Variants in PKIB observed in about 807,000 individuals in gnomAD.
The protein encoded by PKIB is cAMP-dependent protein kinase inhibitor beta.
PKIB carries 2 observed loss-of-function variants against 4.5 expected under a neutral mutation model. That is an observed-to-expected ratio of 0.44 (90% confidence interval 0.18 to 1.39). PKIB has a LOEUF of 1.39. Among genes scored for constraint, PKIB ranks in the 40% most tolerant of loss-of-function variants. PKIB has a pLI of 0.27. For missense variants in PKIB, 94 were observed against 92.6 expected, an observed-to-expected ratio of 1.02 and a Z score of -0.06; for synonymous variants, 38 against 36.0, an observed-to-expected ratio of 1.06 and a Z score of -0.20.
At chr6:122,521,377 A>G (rs2114600333) in intron 2 of PKIB, among the ~76,000 whole-genome samples, 1 of 152,280 alleles carries the variant, frequency 6.6e-6, no homozygotes, top group Middle Eastern at 3.4e-3. Flanking sequence ...GTTGTTGTGT[A>G]GAATAAGAAG....
intron 2 of PKIB, among the ~76,000 whole-genome samples, chr6:122,537,689 T>G (rs1285242240): frequency 6.6e-6 from 1 of 152,166 alleles, no homozygotes; most frequent in African/African-American, 2.4e-5. Flanking sequence ...TTTGGGTATA[T>G]ACCCGTAAGG....
chr6:122,483,504 C>G (rs1478159200), intron 2 of PKIB: 1 of 151,380 alleles, frequency 6.6e-6, no homozygotes, highest in Non-Finnish European at 1.5e-5. Flanking sequence ...ATTAAATTGA[C>G]AAAAGGCAGA....
intron 2 of PKIB, among the ~76,000 whole-genome samples, chr6:122,521,920 C>T (rs577899472): frequency 3.9e-5 from 6 of 152,172 alleles, no homozygotes; most frequent in South Asian, 4.2e-4. Context: ...CTGGCCACTA[C>T]GGTCCTCATC....
At chr6:122,472,661 A>G (rs1775338049) in intron 1 of PKIB, among the ~76,000 whole-genome samples, 3 of 152,224 alleles carry the variant, frequency 2.0e-5, no homozygotes. Context: ...ATCTACAAAA[A>G]TTGCATGGGT....
At chr6:122,684,917 G>A (rs553938586) in intron 3 of PKIB, among the ~76,000 whole-genome samples, 183 of 152,210 alleles carry the variant, frequency 1.2e-3, no homozygotes, top group African/African-American at 4.2e-3. Flanking sequence ...TTTGGTCAAG[G>A]TCAGATACAC....
chr6:122,654,681 G>A (rs1286218818), intron 2 of PKIB, among the ~76,000 whole-genome samples: 1 of 152,098 alleles, frequency 6.6e-6, no homozygotes, highest in Admixed American at 6.5e-5. Flanking sequence ...AAAAACAGAG[G>A]TAAGCCTTAT....
chr6:122,714,468 G>A (rs559027247), intron 3 of PKIB, among the ~76,000 whole-genome samples: 145 of 152,122 alleles, frequency 9.5e-4, no homozygotes, highest in South Asian at 1.9e-3. Context: ...TTCCAGCATC[G>A]ATCTACAAAA....
chr6:122,613,126 AT>A (rs1245532446), intron 1 of PKIB, among the ~76,000 whole-genome samples: 1 of 152,166 alleles, frequency 6.6e-6, no homozygotes, highest in East Asian at 1.9e-4. Flanking sequence ...TCAAGACTAA[AT>A]TTTCATTAAT....
chr6:122,635,976 A>G (rs1346704241), intron 2 of PKIB, among the ~76,000 whole-genome samples: 2 of 152,130 alleles, frequency 1.3e-5, no homozygotes, highest in Non-Finnish European at 2.9e-5. Context: ...AACGCAATAA[A>G]TGTTTTAAAA....
At chr6:122,569,369 T>G (rs770911665) in intron 2 of PKIB, among the ~76,000 whole-genome samples, 16 of 152,166 alleles carry the variant, frequency 1.1e-4, no homozygotes, top group Non-Finnish European at 1.8e-4. Context: ...AACAGTCCAT[T>G]ACAGCACCTC....
At chr6:122,521,479 G>A (rs981352131) in intron 2 of PKIB, among the ~76,000 whole-genome samples, 3 of 152,022 alleles carry the variant, frequency 2.0e-5, no homozygotes, top group African/African-American at 7.2e-5. Flanking sequence ...AGGAGATCGA[G>A]ACCATCCTGG....
chr6:122,576,168 CT>C (rs1280386562), intron 2 of PKIB, among the ~76,000 whole-genome samples: 1 of 152,162 alleles, frequency 6.6e-6, no homozygotes, highest in Non-Finnish European at 1.5e-5. Flanking sequence ...TTACATGGTT[CT>C]TTTAATTTGT....
At chr6:122,557,975 C>T (rs1309914254) in intron 2 of PKIB, among the ~76,000 whole-genome samples, 3 of 152,084 alleles carry the variant, frequency 2.0e-5, no homozygotes, top group South Asian at 4.1e-4. Flanking sequence ...TCCAAGCTCC[C>T]GATTTTTTTT....
chr6:122,698,394 G>A (rs7746048), intron 3 of PKIB, among the ~76,000 whole-genome samples: 150,482 of 152,268 alleles, frequency 0.99, 74,380 homozygotes, highest in South Asian at 1. Flanking sequence ...AGCTAGGCCA[G>A]ATTCATGGGG....
chr6:122,479,868 T>C (rs1456229616), intron 2 of PKIB: 1 of 152,072 alleles, frequency 6.6e-6, no homozygotes, highest in African/African-American at 2.4e-5. Flanking sequence ...CCAGTGCCGG[T>C]ATTGACTGTA....
chr6:122,548,068 G>A (rs1204863379), intron 2 of PKIB, among the ~76,000 whole-genome samples: 1 of 152,144 alleles, frequency 6.6e-6, no homozygotes, highest in Admixed American at 6.5e-5. Context: ...TTATACATAA[G>A]TTTTGGGCAT....
intron 3 of PKIB, among the ~76,000 whole-genome samples, chr6:122,591,435 A>C (rs1168944406): frequency 1.3e-5 from 2 of 152,174 alleles, no homozygotes; most frequent in Non-Finnish European, 2.9e-5. Context: ...TCAATTGTCA[A>C]GGTGTTAGTT....
intron 2 of PKIB, among the ~76,000 whole-genome samples, chr6:122,660,015 G>A (rs1220855963): frequency 2.0e-5 from 3 of 152,302 alleles, no homozygotes; most frequent in Middle Eastern, 3.4e-3. Context: ...GAAAGAGCAC[G>A]AAAATTAATT....
intron 1 of PKIB, among the ~76,000 whole-genome samples, chr6:122,621,761 T>G (rs1207580051): frequency 6.6e-6 from 1 of 152,238 alleles, no homozygotes; most frequent in Non-Finnish European, 1.5e-5. Flanking sequence ...TTAAATAGAT[T>G]GGACTTGATT....
Sources: allele counts gnomAD v4.1 joint callset (sites outside exome capture counted in the v4.1 genomes callset), GRCh38; gene constraint gnomAD v4.1.1; transcripts MANE v1.5; gene names NCBI Gene and HGNC (gene_info 2026-07-23, HGNC 2026-07-21).